Variants in ABCA10 observed in about 807,000 individuals in gnomAD.
ABCA10 encodes the protein ATP binding cassette subfamily A member 10, also known as ATP-binding cassette sub-family A member 10.
A neutral mutation model predicts 187.5 loss-of-function variants in ABCA10; 169 were observed. That is an observed-to-expected ratio of 0.90 (90% confidence interval 0.80 to 1.02). The LOEUF (loss-of-function observed/expected upper bound fraction) is 1.02. Ranked by LOEUF, ABCA10 falls within the 50% of genes least tolerant of loss-of-function variation. The pLI is 0.00. For synonymous variants in ABCA10, 574 were observed against 601.8 expected (o/e 0.95, Z 0.68); for missense variants, 1,727 against 1,812.4 (o/e 0.95, Z 0.86).
At chr17:69,190,177 T>C (rs1381654685) in intron 18 of ABCA10, among the ~76,000 whole-genome samples, 181 bp downstream of exon 18, 1 of 152,198 alleles carries the variant, frequency 6.6e-6, no homozygotes, top group East Asian at 1.9e-4. Context: ...TTATACTCGA[T>C]ATAAAATGAT....
intron 7 of ABCA10, 33 bp downstream of exon 7, chr17:69,216,184 A>G: frequency 6.3e-7 from 1 of 1,582,826 alleles, no homozygotes; most frequent in Non-Finnish European, 8.6e-7. Context: ...AATCTGAAAC[A>G]GGTTAAGAGG....
rs76677177 is a variant in ABCA10, at chr17:69,222,563, G to C, written c.169C>G (p.Pro57Ala). 1 of 1,584,184 alleles carries C rather than the reference G, an allele frequency of 6.3e-7. No individual in the cohort carries two copies. The highest frequency in any genetic ancestry group is 8.5e-7 in the Non-Finnish European group (1 of 1,171,980). ...RLKFNWGYRIPVIKEHSEYTE... is the reference protein window; with the variant it reads ...RLKFNWGYRIAVIKEHSEYTE... ...TATTCAGAGTGCTCCTTTATAACTG[G>C]GATTCTATATCCCCAATTAAACTTC... The change falls in exon 4 of 39, where the codon CCA (proline) becomes GCA (alanine). Residue 57 changes from proline (P) to alanine (A), a missense_variant. By Grantham distance (27) the Pro-to-Ala change is conservative (BLOSUM62 -1). Coordinates refer to ENST00000690296, the MANE Select transcript of ABCA10 (RefSeq NM_001377321.1).
At position 69,214,739 on chromosome 17, in the gene ABCA10, A is replaced by C. The variant is rs2074690069; in HGVS notation, c.971T>G (p.Leu324Trp). The C allele has an allele frequency of 4.0e-6, 6 of 1,518,960 alleles. No homozygotes were observed. Among genetic ancestry groups the C allele is most frequent in the South Asian group, 1.3e-5 (1 of 78,474 alleles). The allele number at this position is 1,518,960 out of a possible 1,614,324, so 94.1% of individuals were successfully genotyped here. ...TCGCTCAAAATATAATGTGAATATC[A>C]AATAGAAAAGAGTATCAAATGCCAA... ...FILAFDTLFY[L>W]IFTLYFERVL... Residue 324 changes from leucine (L) to tryptophan (W), a missense_variant, in exon 9 of 39, where the codon TTG becomes TGG. Transcript: ENST00000690296.
intron 25 of ABCA10, among the ~76,000 whole-genome samples, chr17:69,169,984 T>C (rs913283126): frequency 6.6e-6 from 1 of 152,134 alleles, no homozygotes; most frequent in Admixed American, 6.5e-5. Context: ...CAGTATTCTA[T>C]AAAAATTAAG....
chr17:69,227,994 C>T (rs1045166325), intron 1 of ABCA10, among the ~76,000 whole-genome samples: 2 of 151,920 alleles, frequency 1.3e-5, no homozygotes, highest in African/African-American at 4.8e-5. Context: ...ACAACTATGA[C>T]TACTGAAGTC....
intron 18 of ABCA10, among the ~76,000 whole-genome samples, chr17:69,188,096 G>T (rs568345249): frequency 2.0e-4 from 30 of 152,248 alleles, no homozygotes; most frequent in African/African-American, 6.7e-4. Context: ...GATGATTAAG[G>T]CTTCCTAACA....
intron 24 of ABCA10, 75 bp from the exon 25 acceptor site, chr17:69,174,469 G>A (rs2074319386): frequency 6.9e-7 from 1 of 1,449,730 alleles, no homozygotes; most frequent in Admixed American, 2.2e-5. Context: ...AGATAATCAG[G>A]TCATAAAGCT....
At chr17:69,191,698 G>C (rs1434861330) in intron 16 of ABCA10, among the ~76,000 whole-genome samples, 1 of 152,026 alleles carries the variant, frequency 6.6e-6, no homozygotes, top group East Asian at 1.9e-4. Context: ...TCATTATTGT[G>C]CTACATGTGT....
At chr17:69,170,664 A>G (rs1047835572) in intron 25 of ABCA10, among the ~76,000 whole-genome samples, 6 of 152,326 alleles carry the variant, frequency 3.9e-5, no homozygotes, top group Admixed American at 3.3e-4. Flanking sequence ...ATGATGTAAC[A>G]GATACCCTAA....
intron 25 of ABCA10, among the ~76,000 whole-genome samples, chr17:69,170,428 T>C (rs2074289345): frequency 7.4e-6 from 1 of 135,908 alleles, no homozygotes; most frequent in Non-Finnish European, 1.6e-5. Context: ...TCTATATTGT[T>C]TTACTCATCA....
chr17:69,214,761 C>A lies in ABCA10; in HGVS notation c.949G>T (p.Ala317Ser). 2.6e-6 allele frequency: 4 copies of A among 1,513,962 alleles called. No homozygotes were observed. Among genetic ancestry groups the A allele is most frequent in the Non-Finnish European group, 3.5e-6 (4 of 1,139,070 alleles). The allele number at this position is 1,513,962 out of a possible 1,614,324, so 93.8% of individuals were successfully genotyped here. A position where few individuals can be genotyped will look rare whatever the true frequency, so the allele number is the denominator to read the frequency against. ...YKMIATFFIL[A>S]FDTLFYLIFT... ...ATCAAATAGAAAAGAGTATCAAATG[C>A]CAAAATGAAAAAAGTGGCTATCATT... The change falls in exon 9 of 39, where the codon GCA (alanine) becomes TCA (serine). Residue 317 changes from alanine (A) to serine (S), a missense_variant. By Grantham distance (99) the Ala-to-Ser change is moderately conservative. Coordinates refer to ENST00000690296, the MANE Select transcript of ABCA10 (RefSeq NM_001377321.1).
At position 69,182,137 on chromosome 17, in the gene ABCA10, C is replaced by T. The variant is rs367705439; in HGVS notation, c.2769+16G>A. ...CTGCTGTGTTGCCTCTTATATAAGTCGAATACTCTACTTACACGAGAAAAT... is the reference window on the plus strand; with the variant it reads ...CTGCTGTGTTGCCTCTTATATAAGTTGAATACTCTACTTACACGAGAAAAT... On this transcript the variant is annotated intron_variant, in intron 22 of 38. Transcript: ENST00000690296. 1.3e-5 allele frequency: 20 copies of T among 1,553,450 alleles called. No individual in the cohort carries two copies. Among genetic ancestry groups the T allele is most frequent in the African/African-American group, 1.3e-4 (9 of 71,988 alleles).
chr17:69,172,709 GA>G (rs778907716), intron 25 of ABCA10, among the ~76,000 whole-genome samples: 9 of 151,748 alleles, frequency 5.9e-5, no homozygotes, highest in Non-Finnish European at 1.2e-4. Context: ...AAAAAGGGAA[GA>G]AAAAAGAGAA....
At chr17:69,239,384 T>C (rs2074890684) in intron 1 of ABCA10, among the ~76,000 whole-genome samples, 1 of 152,204 alleles carries the variant, frequency 6.6e-6, no homozygotes, top group African/African-American at 2.4e-5. Flanking sequence ...ATATTTATAA[T>C]TGTAAGCTCC....
Position 69,153,344 on chromosome 17 carries a change from G to A in ABCA10, c.4097C>T (p.Pro1366Leu), listed in dbSNP as rs747184545. ...GNPSVVLLDE[P>L]FTGMDPEGQQ... ...CCCCTCGGGGTCCATCCCGGTGAACGGCTCATCTAGAAGCACCACTGATGG... is the reference window on the plus strand; with the variant it reads ...CCCCTCGGGGTCCATCCCGGTGAACAGCTCATCTAGAAGCACCACTGATGG... Residue 1366 changes from proline to leucine, a missense_variant, in exon 34 of 39, where the codon CCG (proline) becomes CTG (leucine). Coordinates refer to ENST00000690296, the MANE Select transcript of ABCA10 (RefSeq NM_001377321.1). 6.8e-6 allele frequency: 11 copies of A among 1,613,268 alleles called. No individual in the cohort carries two copies. In the African/African-American group the frequency reaches 8.0e-5, roughly 12 times the overall value.
intron 9 of ABCA10, among the ~76,000 whole-genome samples, chr17:69,213,227 A>G (rs534328776): frequency 1.3e-5 from 2 of 152,250 alleles, no homozygotes; most frequent in East Asian, 3.9e-4. Flanking sequence ...GGCCAGGATA[A>G]GTACTCTGGT....
chr17:69,195,313 C>G (rs2074489816), intron 11 of ABCA10, among the ~76,000 whole-genome samples: 1 of 151,924 alleles, frequency 6.6e-6, no homozygotes, highest in Non-Finnish European at 1.5e-5. Context: ...TTGATAAAGT[C>G]AGGTCAAAGA....
intron 5 of ABCA10, 139 bp from the exon 6 acceptor site, chr17:69,219,910 TTAA>T (rs1313603485): frequency 1.1e-5 from 7 of 630,494 alleles, no homozygotes; most frequent in African/African-American, 7.4e-5. Flanking sequence ...CAGAACAATC[TTAA>T]TAACTTTTGA....
Position 69,155,058 on chromosome 17 carries a change from TC to T in ABCA10, c.3654del (p.Ile1220Ter), listed in dbSNP as rs1288865374. On this transcript the variant is annotated frameshift_variant, in exon 30 of 39. Coordinates refer to ENST00000690296, the MANE Select transcript of ABCA10 (RefSeq NM_001377321.1). LOFTEE classifies it high-confidence loss of function. ...AAGGAAACATTTCTGATGGCTATTT[TC>T]TTCTTTCTTGTTGAAAAGCAACTTT... ...TKKSCFSTRKKKIAIRNVSFC... is the reference protein window; with the variant it reads ...TKKSCFSTRKXKIAIRNVSFC... 1 of 1,610,964 alleles carries T rather than the reference TC, an allele frequency of 6.2e-7. No individual in the cohort carries two copies. The highest frequency in any genetic ancestry group is 8.5e-7 in the Non-Finnish European group (1 of 1,177,692).
Sources: allele counts gnomAD v4.1 joint callset (sites outside exome capture counted in the v4.1 genomes callset), GRCh38; gene constraint gnomAD v4.1.1; transcripts MANE v1.5; gene names NCBI Gene and HGNC (gene_info 2026-07-23, HGNC 2026-07-21).